The following NFU1 variants were observed in gnomAD, a reference collection of about 807,000 sequenced individuals.
NFU1 encodes the protein NFU1 iron-sulfur cluster scaffold homolog, mitochondrial.
In NFU1, 30 loss-of-function variants were observed where a neutral mutation model predicts 32.2. That is an observed-to-expected ratio of 0.93 (90% CI 0.70 to 1.26). The LOEUF is 1.26. Ranked by LOEUF, NFU1 falls within the 50% of genes most tolerant of loss-of-function variation. The pLI, the probability that NFU1 is intolerant of heterozygous loss-of-function variation, is 0.00. For synonymous variants in NFU1, 112 were observed against 104.6 expected, an observed-to-expected ratio of 1.07 and a Z score of -0.43; for missense variants, 306 against 306.6, an observed-to-expected ratio of 1.00 and a Z score of 0.02.
chr2:69,402,818 G>A (rs974170084), intron 6 of NFU1, among the ~76,000 whole-genome samples: 33 of 151,576 alleles, frequency 2.2e-4, no homozygotes, highest in Admixed American at 2.0e-3. Context: ...CCCAACCTCA[G>A]ATGATCCATT....
intron 5 of NFU1, among the ~76,000 whole-genome samples, chr2:69,408,323 A>C (rs977974014): frequency 6.6e-6 from 1 of 152,226 alleles, no homozygotes; most frequent in Admixed American, 6.5e-5. Flanking sequence ...GGTACACAGT[A>C]ACTTTTATAT....
chr2:69,412,857 C>CAA lies in NFU1; in HGVS notation c.484+2326_484+2327dup, dbSNP rs375424451. 4.6e-3 allele frequency among the ~76,000 whole-genome samples: 475 copies of CAA among 103,524 alleles called. 5 individuals are homozygous for CAA. The highest frequency in any genetic ancestry group is 0.012 in the African/African-American group (350 of 29,904). The allele number at this position is 103,524 out of a possible 152,430, so 67.9% of individuals were successfully genotyped here. A position where few individuals can be genotyped will look rare whatever the true frequency, so the allele number is the denominator to read the frequency against. ...TGGGTGACAGAGCAGGTCACTGTCT[C>CAA]AAAAAAAAAAAAAAAAAGACACATG... On this transcript the variant is annotated intron_variant, in intron 5 of 7. Coordinates refer to ENST00000410022, the MANE Select transcript of NFU1 (RefSeq NM_001002755.4).
chr2:69,405,937 A>C, intron 6 of NFU1, 85 bp downstream of exon 6: 2 of 850,050 alleles, frequency 2.4e-6, no homozygotes, highest in Non-Finnish European at 4.0e-6. Flanking sequence ...AATCTACTAT[A>C]ATCTCATGGC....
At chr2:69,435,096 A>T (rs1450914917) in intron 1 of NFU1, among the ~76,000 whole-genome samples, 2 of 152,236 alleles carry the variant, frequency 1.3e-5, no homozygotes, top group Admixed American at 1.3e-4. Flanking sequence ...AATCATTTAC[A>T]TCTACACCTT....
intron 4 of NFU1, among the ~76,000 whole-genome samples, chr2:69,417,509 G>A (rs1053081319): frequency 1.3e-5 from 2 of 151,714 alleles, no homozygotes; most frequent in African/African-American, 4.9e-5. Flanking sequence ...AAAATTAGCT[G>A]GGCATAGTGG....
chr2:69,411,028 T>C (rs530244786), intron 5 of NFU1: 1 of 152,044 alleles, frequency 6.6e-6, no homozygotes, highest in South Asian at 2.1e-4. Context: ...AAACTCCATA[T>C]GTTATTAAAA....
intron 7 of NFU1, among the ~76,000 whole-genome samples, chr2:69,398,524 C>A (rs1672410491): frequency 6.6e-6 from 1 of 152,174 alleles, no homozygotes; most frequent in South Asian, 2.1e-4. Context: ...TTATCCTAAA[C>A]AAACACATAC....
chr2:69,421,205 C>A (rs184320410), intron 3 of NFU1, among the ~76,000 whole-genome samples: 1 of 151,646 alleles, frequency 6.6e-6, no homozygotes, highest in African/African-American at 2.4e-5. Context: ...AAAAGTGAAA[C>A]CTTATCTCAA....
At chr2:69,428,876 A>G (rs1673549087) in intron 2 of NFU1, among the ~76,000 whole-genome samples, 1 of 152,360 alleles carries the variant, frequency 6.6e-6, no homozygotes, top group African/African-American at 2.4e-5. Flanking sequence ...TAATTTGACA[A>G]CTGAGAGCCA....
At position 69,403,503 on chromosome 2, in the gene NFU1, G is replaced by A. The variant is rs140602500; in HGVS notation, c.545+2519C>T. Among the ~76,000 whole-genome samples, 1,034 of 151,590 alleles carry A rather than the reference G, an allele frequency of 6.8e-3. 12 individuals are homozygous for A. Among genetic ancestry groups the A allele is most frequent in the African/African-American group, 0.024 (987 of 41,298 alleles). ...TCTCCCGGGCTCAAGCAATCTTCCC[G>A]CCTCAGGAACAGCTGAGACTACAGG... On this transcript the variant is annotated intron_variant, in intron 6 of 7. Transcript: ENST00000410022.
At position 69,406,049 on chromosome 2, in the gene NFU1, A is replaced by G. The variant is rs1237790068; in HGVS notation, c.518T>C (p.Ile173Thr). Residue 173 changes from isoleucine (I) to threonine (T), a missense_variant, in exon 6 of 8, where the codon ATT becomes ACT. Physicochemically the swap from Ile to Thr is moderately conservative, Grantham distance 89 (BLOSUM62 -1). Transcript: ENST00000410022. ...SEEDDEVVAM[I>T]KELLDTRIRP... ...TATTCTAGTATCTAACAATTCCTTAATCATTGCCACAACTTCATCATCTTC... is the reference window on the plus strand; with the variant it reads ...TATTCTAGTATCTAACAATTCCTTAGTCATTGCCACAACTTCATCATCTTC... 1 of 1,602,390 alleles carries G rather than the reference A, an allele frequency of 6.2e-7. No individual in the cohort carries two copies. The highest frequency in any genetic ancestry group is 8.5e-7 in the Non-Finnish European group (1 of 1,170,514).
At chr2:69,439,430 G>A (rs1673988480), upstream of NFU1, among the ~76,000 whole-genome samples, 1 of 152,220 alleles carries the variant, frequency 6.6e-6, no homozygotes, top group Non-Finnish European at 1.5e-5. Flanking sequence ...CTTCAGGAGT[G>A]AAGCTGCAGA....
At chr2:69,438,553 C>T (rs1465645508), upstream of NFU1, among the ~76,000 whole-genome samples, 1 of 152,152 alleles carries the variant, frequency 6.6e-6, no homozygotes, top group Non-Finnish European at 1.5e-5. Context: ...TTACCTCACC[C>T]TGCCTAGTAG....
At chr2:69,425,625 G>A (rs1673428468) in intron 2 of NFU1, among the ~76,000 whole-genome samples, 2 of 152,052 alleles carry the variant, frequency 1.3e-5, no homozygotes, top group Admixed American at 1.3e-4. Flanking sequence ...AAAGTGGTGG[G>A]ATTACAGGTG....
intron 1 of NFU1, among the ~76,000 whole-genome samples, chr2:69,434,875 G>A (rs1673776390): frequency 6.6e-6 from 1 of 152,204 alleles, no homozygotes. Flanking sequence ...GCAGGCCAGG[G>A]AACGGGTGTT....
chr2:69,402,577 T>G (rs1672557616), intron 6 of NFU1, among the ~76,000 whole-genome samples: 1 of 152,134 alleles, frequency 6.6e-6, no homozygotes, highest in Non-Finnish European at 1.5e-5. Flanking sequence ...ATCTGATATA[T>G]ATATACATAT....
rs763065144 is a variant in NFU1, at chr2:69,406,012, G to A, written c.545+10C>T. The A allele has an allele frequency of 2.6e-6, 4 of 1,563,328 alleles. No homozygotes were observed. Among genetic ancestry groups the A allele is most frequent in the East Asian group, 4.5e-5 (2 of 44,574 alleles). On this transcript the variant is annotated intron_variant, in intron 6 of 7. Coordinates refer to ENST00000410022, the MANE Select transcript of NFU1 (RefSeq NM_001002755.4). ...AGCACTTGAATTCAGGTAGAGAGAG[G>A]AGCACGTACCGTATTCTAGTATCTA...
intron 2 of NFU1, among the ~76,000 whole-genome samples, chr2:69,430,773 C>T (rs1183280337): frequency 6.6e-6 from 1 of 152,218 alleles, no homozygotes; most frequent in East Asian, 1.9e-4. Flanking sequence ...TCAGGCAAGC[C>T]TGCAGGAAAG....
upstream of NFU1, chr2:69,437,573 C>G (rs771019494): frequency 2.1e-6 from 2 of 949,336 alleles, no homozygotes; most frequent in East Asian, 2.6e-5. Context: ...GCCTACGCGC[C>G]GAGGTTTGCA....
Sources: allele counts gnomAD v4.1 joint callset (sites outside exome capture counted in the v4.1 genomes callset), GRCh38; gene constraint gnomAD v4.1.1; transcripts MANE v1.5; gene names NCBI Gene and HGNC (gene_info 2026-07-23, HGNC 2026-07-21).